Variants in FIGN observed in about 807,000 individuals in gnomAD.
FIGN encodes the protein fidgetin.
A neutral mutation model predicts 51.3 loss-of-function variants in FIGN; 11 were observed. The observed-to-expected ratio is 0.21, with a 90% CI of 0.13 to 0.35. The LOEUF (loss-of-function observed/expected upper bound fraction) is 0.35. Ranked by LOEUF, FIGN falls within the 10% of genes least tolerant of loss-of-function variation. The pLI is 1.00. For missense variants in FIGN, 857 were observed against 943.6 expected, an observed-to-expected ratio of 0.91 and a Z score of 1.20; for synonymous variants, 407 against 363.2, an observed-to-expected ratio of 1.12 and a Z score of -1.37.
chr2:163,612,501 C>G, intron 2 of FIGN: 2 of 985,290 alleles, frequency 2.0e-6, no homozygotes, highest in Non-Finnish European at 2.4e-6. Flanking sequence ...AGGCAGCGCT[C>G]CATCGCTTTC....
At chr2:163,668,846 T>C (rs1040540295) in intron 2 of FIGN, among the ~76,000 whole-genome samples, 12 of 151,290 alleles carry the variant, frequency 7.9e-5, no homozygotes, top group Non-Finnish European at 7.4e-5. Flanking sequence ...GAGGCTGAGG[T>C]GGGAGAATGG....
intron 2 of FIGN, among the ~76,000 whole-genome samples, chr2:163,615,342 T>C (rs1476667897): frequency 3.3e-5 from 5 of 152,210 alleles, no homozygotes; most frequent in Admixed American, 1.3e-4. Flanking sequence ...AACTAATTCT[T>C]GATATTAGCA....
chr2:163,667,812 C>T (rs1018977154), intron 2 of FIGN, among the ~76,000 whole-genome samples: 2 of 152,128 alleles, frequency 1.3e-5, no homozygotes, highest in South Asian at 2.1e-4. Flanking sequence ...TATTTGTATG[C>T]CTTCCTCCCT....
At chr2:163,631,852 A>G (rs1376398583) in intron 2 of FIGN, among the ~76,000 whole-genome samples, 1 of 152,128 alleles carries the variant, frequency 6.6e-6, no homozygotes, top group East Asian at 1.9e-4. Context: ...ACATATGTCT[A>G]AATATTTAAG....
chr2:163,713,348 CAG>C (rs554507614), intron 2 of FIGN, among the ~76,000 whole-genome samples: 22 of 152,106 alleles, frequency 1.4e-4, no homozygotes, highest in African/African-American at 4.8e-4. Flanking sequence ...GCTATGTCAT[CAG>C]AGTCTTCAGA....
intron 2 of FIGN, among the ~76,000 whole-genome samples, chr2:163,653,700 A>G (rs1683512904): frequency 6.6e-6 from 1 of 152,140 alleles, no homozygotes; most frequent in Non-Finnish European, 1.5e-5. Context: ...TGTGATCTTA[A>G]TCTATTCAGG....
chr2:163,686,920 G>T lies in FIGN; in HGVS notation c.25+47983C>A, dbSNP rs569864180. Among the ~76,000 whole-genome samples, 5 of 151,414 alleles carry T rather than the reference G, an allele frequency of 3.3e-5. No individual in the cohort carries two copies. In the South Asian group the frequency reaches 1.0e-3, roughly 32 times the overall value. ...AAGTGTGCTTTGAAGGGCAGAAGAC[G>T]TATGTATTTGTAAAGAGTGTTATTA... On this transcript the variant is annotated intron_variant, in intron 2 of 2. Transcript: ENST00000333129.
intron 2 of FIGN, among the ~76,000 whole-genome samples, chr2:163,680,450 T>C (rs1013023746): frequency 2.0e-5 from 3 of 152,110 alleles, no homozygotes; most frequent in Non-Finnish European, 4.4e-5. Flanking sequence ...ACAGCCTCAA[T>C]TCTCTGTAGC....
At chr2:163,676,457 AT>A (rs1683968303) in intron 2 of FIGN, among the ~76,000 whole-genome samples, 1 of 93,792 alleles carries the variant, frequency 1.1e-5, no homozygotes, top group African/African-American at 3.7e-5. Context: ...ATATATATAT[AT>A]ATATATATAT....
intron 2 of FIGN, among the ~76,000 whole-genome samples, chr2:163,685,806 T>C (rs561500080): frequency 1.3e-5 from 2 of 152,356 alleles, no homozygotes; most frequent in South Asian, 4.1e-4. Context: ...GCCAGTAAAC[T>C]GACTTTCATT....
intron 2 of FIGN, among the ~76,000 whole-genome samples, chr2:163,720,986 G>A (rs1380894): frequency 1 from 151,829 of 152,174 alleles, 75,750 homozygotes; most frequent in Middle Eastern, 1. Context: ...AAATAAATAA[G>A]TAAATAAAAA....
rs71297448 is a variant in FIGN, at chr2:163,629,952, CTTTTTTTTT to C, written c.26-18155_26-18147del. Among the ~76,000 whole-genome samples, 76 of 56,928 alleles carry C rather than the reference CTTTTTTTTT, an allele frequency of 1.3e-3. 1 individual carries two copies. Among genetic ancestry groups the C allele is most frequent in the Admixed American group, 2.8e-3 (12 of 4,290 alleles). The allele number at this position is 56,928 out of a possible 152,430, so 37.3% of individuals were successfully genotyped here. On this transcript the variant is annotated intron_variant, in intron 2 of 2. Coordinates refer to ENST00000333129, the MANE Select transcript of FIGN (RefSeq NM_018086.4). Reference sequence around the variant, plus strand: ...CCAACATAGGGTGAAGAAAGGGGCACTTTTTTTTTTTTTTTTTTTTTTTTTTTTTTGACA... The same window carrying C: ...CCAACATAGGGTGAAGAAAGGGGCACTTTTTTTTTTTTTTTTTTTTTGACA...
At position 163,688,779 on chromosome 2, in the gene FIGN, T is replaced by C. The variant is rs576936207; in HGVS notation, c.25+46124A>G. On this transcript the variant is annotated intron_variant, in intron 2 of 2. Transcript: ENST00000333129. Reference sequence around the variant, plus strand: ...TGGATTCCTCTTTTATTCAACAAAATTGGATAGTAAATATCAGATAGTTTT... The same window carrying C: ...TGGATTCCTCTTTTATTCAACAAAACTGGATAGTAAATATCAGATAGTTTT... Among the ~76,000 whole-genome samples, 5 of 152,240 alleles carry C rather than the reference T, an allele frequency of 3.3e-5. No homozygotes were observed. The South Asian group carries it at 1.0e-3, about 32-fold the overall frequency.
chr2:163,660,870 T>C (rs1292215969), intron 2 of FIGN, among the ~76,000 whole-genome samples: 1 of 25,936 alleles, frequency 3.9e-5, no homozygotes, highest in African/African-American at 1.5e-4. Flanking sequence ...TATATATATA[T>C]ATATATATAT....
intron 2 of FIGN, among the ~76,000 whole-genome samples, chr2:163,712,253 A>AT (rs1684598203): frequency 6.6e-6 from 1 of 152,238 alleles, no homozygotes; most frequent in Non-Finnish European, 1.5e-5. Flanking sequence ...CAGTAAGTGC[A>AT]TATCTAATGG....
intron 2 of FIGN, among the ~76,000 whole-genome samples, chr2:163,697,100 C>CTTTTTTTTTTTTT (rs1258378034): frequency 4.6e-5 from 5 of 108,430 alleles, no homozygotes; most frequent in Non-Finnish European, 7.4e-5. Flanking sequence ...CTTTTCTTTT[C>CTTTTTTTTTTTTT]TTTCTTTTTT....
intron 2 of FIGN, among the ~76,000 whole-genome samples, chr2:163,621,144 T>C (rs960240240): frequency 2.6e-5 from 4 of 152,112 alleles, no homozygotes; most frequent in Non-Finnish European, 5.9e-5. Flanking sequence ...TCTCATATAA[T>C]TAGACAAAAG....
chr2:163,699,915 T>C (rs1170303685), intron 2 of FIGN, among the ~76,000 whole-genome samples: 1 of 152,162 alleles, frequency 6.6e-6, no homozygotes, highest in Non-Finnish European at 1.5e-5. Context: ...TTGGTTTATT[T>C]ATACTGCATT....
intron 2 of FIGN, among the ~76,000 whole-genome samples, chr2:163,713,697 T>G (rs1006377246): frequency 1.3e-5 from 2 of 152,206 alleles, no homozygotes; most frequent in Admixed American, 6.5e-5. Context: ...TGTGCTACAG[T>G]GAGCCGGAGA....
Sources: allele counts gnomAD v4.1 joint callset (sites outside exome capture counted in the v4.1 genomes callset), GRCh38; gene constraint gnomAD v4.1.1; transcripts MANE v1.5; gene names NCBI Gene and HGNC (gene_info 2026-07-23, HGNC 2026-07-21).